The following C1QTNF7 variants were observed in gnomAD, a reference collection of about 807,000 sequenced individuals.
The protein encoded by C1QTNF7 is complement C1q tumor necrosis factor-related protein 7.
C1QTNF7 carries 15 observed loss-of-function variants against 19.6 expected under a neutral mutation model. That is an observed-to-expected ratio of 0.76 (90% CI 0.51 to 1.18). The LOEUF is 1.18. Among genes scored for constraint, C1QTNF7 ranks in the 50% most tolerant of loss-of-function variants. The pLI, the probability that C1QTNF7 is intolerant of heterozygous loss-of-function variation, is 0.00. For synonymous variants in C1QTNF7, 142 were observed against 137.5 expected (o/e 1.03, Z -0.23); for missense variants, 324 against 359.7 (o/e 0.90, Z 0.80).
intron 1 of C1QTNF7, among the ~76,000 whole-genome samples, chr4:15,358,848 A>C (rs1031146616): frequency 6.6e-6 from 1 of 152,178 alleles, no homozygotes; most frequent in Non-Finnish European, 1.5e-5. Context: ...GGTGAGCCAC[A>C]GCATCTAGAC....
chr4:15,390,369 G>A (rs962730694), intron 1 of C1QTNF7, among the ~76,000 whole-genome samples: 12 of 152,188 alleles, frequency 7.9e-5, no homozygotes, highest in South Asian at 2.1e-4. Flanking sequence ...TCTACAAAAT[G>A]TCTTTACAGC....
intron 1 of C1QTNF7, among the ~76,000 whole-genome samples, chr4:15,378,891 A>T (rs1015137883): frequency 1.3e-5 from 2 of 152,222 alleles, no homozygotes; most frequent in African/African-American, 2.4e-5. Flanking sequence ...GAAGATCACC[A>T]TTCAGAGAAC....
chr4:15,432,113 T>C (rs1712337754), intron 1 of C1QTNF7, among the ~76,000 whole-genome samples: 1 of 152,130 alleles, frequency 6.6e-6, no homozygotes, highest in Non-Finnish European at 1.5e-5. Flanking sequence ...ACCTAGTGTC[T>C]TTGAGGAGCA....
intron 1 of C1QTNF7, among the ~76,000 whole-genome samples, chr4:15,402,188 A>G (rs1330122883): frequency 6.6e-6 from 1 of 152,186 alleles, no homozygotes; most frequent in South Asian, 2.1e-4. Context: ...CTCCACCACA[A>G]TCCTCAACAC....
intron 1 of C1QTNF7, among the ~76,000 whole-genome samples, chr4:15,351,528 T>C (rs1308839206): frequency 1.3e-5 from 2 of 151,288 alleles, no homozygotes; most frequent in Non-Finnish European, 3.0e-5. Context: ...TAAAGGAGAG[T>C]AGGAATTTTA....
intron 1 of C1QTNF7, among the ~76,000 whole-genome samples, chr4:15,378,294 G>C (rs149699215): frequency 6.6e-6 from 1 of 152,214 alleles, no homozygotes; most frequent in East Asian, 1.9e-4. Flanking sequence ...TTTTAAGCCT[G>C]TTTCATCACC....
At chr4:15,440,898 T>C (rs1712732877) in intron 2 of C1QTNF7, among the ~76,000 whole-genome samples, 1 of 151,320 alleles carries the variant, frequency 6.6e-6, no homozygotes, top group South Asian at 2.2e-4. Context: ...CTCAGCACTT[T>C]GGGAGGCCGA....
intron 2 of C1QTNF7, among the ~76,000 whole-genome samples, chr4:15,441,617 T>C (rs1159104891): frequency 6.6e-6 from 1 of 152,262 alleles, no homozygotes; most frequent in Non-Finnish European, 1.5e-5. Context: ...TGATAGTTAA[T>C]TATGTTAAAT....
At chr4:15,422,320 C>G (rs1197632875) in intron 1 of C1QTNF7, among the ~76,000 whole-genome samples, 1 of 151,534 alleles carries the variant, frequency 6.6e-6, no homozygotes, top group Admixed American at 6.6e-5. Context: ...CCTGAACATG[C>G]CTAGTTATTC....
chr4:15,385,312 A>G (rs1477748286), intron 1 of C1QTNF7, among the ~76,000 whole-genome samples: 1 of 152,214 alleles, frequency 6.6e-6, no homozygotes, highest in East Asian at 1.9e-4. Context: ...GAAGGACCAC[A>G]GAAAAGGAAG....
At chr4:15,401,259 A>G (rs1718985564) in intron 1 of C1QTNF7, among the ~76,000 whole-genome samples, 1 of 152,144 alleles carries the variant, frequency 6.6e-6, no homozygotes, top group African/African-American at 2.4e-5. Flanking sequence ...AGGAATGAGG[A>G]GCGTGTGGGG....
chr4:15,350,322 A>AGGGAGGGAGAGAGGGAG (rs1553884471), intron 1 of C1QTNF7, among the ~76,000 whole-genome samples: 2 of 32,478 alleles, frequency 6.2e-5, no homozygotes, highest in Non-Finnish European at 5.5e-5. Flanking sequence ...GAGGGAAGGA[A>AGGGAGGGAGAGAGGGAG]GGAGGAAAGA....
At chr4:15,396,221 C>A (rs1039302579) in intron 1 of C1QTNF7, among the ~76,000 whole-genome samples, 1 of 152,140 alleles carries the variant, frequency 6.6e-6, no homozygotes, top group Admixed American at 6.5e-5. Flanking sequence ...CCACTTGTAC[C>A]GCATCCTGGG....
At position 15,428,112 on chromosome 4, in the gene C1QTNF7, G is replaced by A. The variant is rs1002840824; in HGVS notation, c.-9+6G>A. ...GCCCACCATCTAAGAGCAAGGTATG[G>A]TGTTTACTCTTTTTTTTAGAATTTT... is the stretch of plus-strand genomic sequence containing the variant. On this transcript the variant is annotated splice_donor_region_variant and intron_variant, in intron 1 of 2. Transcript: ENST00000444304. 3.0e-6 allele frequency: 3 copies of A among 984,202 alleles called. No homozygotes were observed. Among genetic ancestry groups the A allele is most frequent in the Non-Finnish European group, 3.6e-6 (3 of 828,870 alleles). 61.0% of individuals were successfully genotyped at this position (984,202 alleles called of 1,614,324 possible).
At chr4:15,427,326 G>T (rs187609777), upstream of C1QTNF7, among the ~76,000 whole-genome samples, 171 of 152,242 alleles carry the variant, frequency 1.1e-3, 1 homozygote, top group African/African-American at 4.0e-3. Flanking sequence ...GGAAATATAA[G>T]AAATACATAG....
At chr4:15,372,553 C>CAGAT (rs1717773831) in intron 1 of C1QTNF7, among the ~76,000 whole-genome samples, 1 of 152,156 alleles carries the variant, frequency 6.6e-6, no homozygotes, top group Non-Finnish European at 1.5e-5. Context: ...ATTCTTCTTA[C>CAGAT]AGATGATAGA....
At chr4:15,340,696 G>A (rs1309896933) in intron 1 of C1QTNF7, among the ~76,000 whole-genome samples, 1 of 152,062 alleles carries the variant, frequency 6.6e-6, no homozygotes, top group Non-Finnish European at 1.5e-5. Flanking sequence ...AACTTGTTTT[G>A]CAGAATATAT....
At chr4:15,399,619 G>A (rs1315757546) in intron 1 of C1QTNF7, among the ~76,000 whole-genome samples, 4 of 152,192 alleles carry the variant, frequency 2.6e-5, no homozygotes, top group Admixed American at 2.0e-4. Context: ...CACATAGTAA[G>A]CCCTCAAACA....
chr4:15,357,950 GC>G (rs1196071479), intron 1 of C1QTNF7, among the ~76,000 whole-genome samples: 1 of 152,182 alleles, frequency 6.6e-6, no homozygotes, highest in African/African-American at 2.4e-5. Flanking sequence ...CTGAGACTTT[GC>G]TGAAGTTGTT....
Sources: gnomAD v4.1 joint callset for allele counts (sites outside exome capture counted in the v4.1 genomes callset) on GRCh38, gnomAD v4.1.1 for gene constraint, MANE v1.5 for transcripts, NCBI Gene and HGNC (gene_info 2026-07-23, HGNC 2026-07-21) for gene names.